The following SF3B1 variants were observed in gnomAD, a reference collection of about 807,000 sequenced individuals.
The protein encoded by SF3B1 is pre-mRNA processing 10.
In SF3B1, 12 loss-of-function variants were observed where a neutral mutation model predicts 153.8. That is an observed-to-expected ratio of 0.08 (90% CI 0.05 to 0.13). SF3B1 has a LOEUF of 0.13. Among genes scored for constraint, SF3B1 ranks in the 10% least tolerant of loss-of-function variants. SF3B1 has a pLI of 1.00. For missense variants in SF3B1, 513 were observed against 1,606.1 expected, an observed-to-expected ratio of 0.32 and a Z score of 11.63; for synonymous variants, 498 against 525.2, an observed-to-expected ratio of 0.95 and a Z score of 0.71.
At chr2:197,413,352 G>C (rs1334683964) in intron 6 of SF3B1, among the ~76,000 whole-genome samples, 1 of 152,168 alleles carries the variant, frequency 6.6e-6, no homozygotes, top group Non-Finnish European at 1.5e-5. Flanking sequence ...AATGAGCTGA[G>C]ATTGCACCAA....
chr2:197,421,847 G>A (rs2085248196), intron 2 of SF3B1, among the ~76,000 whole-genome samples: 1 of 151,968 alleles, frequency 6.6e-6, no homozygotes, highest in African/African-American at 2.4e-5. Context: ...CAGGCGTGGT[G>A]GTGTGCATAC....
chr2:197,422,914 C>CATAAA (rs1321067979), intron 2 of SF3B1, among the ~76,000 whole-genome samples: 1 of 151,640 alleles, frequency 6.6e-6, no homozygotes, highest in Non-Finnish European at 1.5e-5. Context: ...AATCTATATA[C>CATAAA]ATAAAATAAA....
chr2:197,422,232 G>T (rs1200255403), intron 2 of SF3B1, among the ~76,000 whole-genome samples: 1 of 151,786 alleles, frequency 6.6e-6, no homozygotes, highest in Non-Finnish European at 1.5e-5. Context: ...CACCTTTTGG[G>T]ATTTTTAAAT....
chr2:197,403,828 T>C (rs1425539779), intron 11 of SF3B1, 64 bp from the exon 12 acceptor site: 6 of 1,210,268 alleles, frequency 5.0e-6, no homozygotes, highest in African/African-American at 1.6e-5. Context: ...AATGAGCAAA[T>C]TACTCAAAGA....
Position 197,420,584 on chromosome 2 carries a change from A to G in SF3B1, c.301-42T>C, listed in dbSNP as rs765046165. 3.8e-6 allele frequency: 5 copies of G among 1,310,962 alleles called. No homozygotes were observed. In the East Asian group the frequency reaches 9.3e-5, roughly 24 times the overall value. 81.2% of individuals were successfully genotyped at this position (1,310,962 alleles called of 1,614,324 possible). On this transcript the variant is annotated intron_variant, in intron 3 of 24. Coordinates refer to ENST00000335508, the MANE Select transcript of SF3B1 (RefSeq NM_012433.4). ...CTCACTTAATATCCACTTTATTAAA[A>G]TAACAAAACAGAATATCATAAACAA...
Position 197,397,974 on chromosome 2 carries a change from A to G in SF3B1, c.3266+11T>C, listed in dbSNP as rs781635763. On this transcript the variant is annotated intron_variant, in intron 22 of 24. Transcript: ENST00000335508. ...AGTAATTTTTTTTTAATGGAAGTAA[A>G]TAACACTCACCCAATGGCCTTTGCA... 3.8e-6 allele frequency: 6 copies of G among 1,598,886 alleles called. No homozygotes were observed. Among genetic ancestry groups the G allele is most frequent in the East Asian group, 4.5e-5 (2 of 44,756 alleles).
intron 2 of SF3B1, among the ~76,000 whole-genome samples, chr2:197,423,369 C>CAA (rs775495226): frequency 1.5e-4 from 10 of 68,920 alleles, no homozygotes; most frequent in African/African-American, 3.6e-4. Flanking sequence ...GAGACTGTCT[C>CAA]AAAAAAAAAA....
rs961474016 is a variant in SF3B1 at position 197,409,837 on chromosome 2, T to A, written c.837A>T (p.Pro279=). ...CACTGGAAGTTGCGCCTCCATGGCC[T>A]GGTGTCGCATGGCCTGGTGTATCAC... ...GRGDTPGHAT[P]GHGGATSSAR... is the part of the protein sequence containing the mutation. Residue 279 remains proline, a synonymous_variant, in exon 7 of 25, where the codon CCA becomes CCT. Coordinates refer to ENST00000335508, the MANE Select transcript of SF3B1 (RefSeq NM_012433.4). The A allele has an allele frequency of 8.1e-6, 13 of 1,613,994 alleles. No individual in the cohort carries two copies. Among genetic ancestry groups the A allele is most frequent in the Non-Finnish European group, 1.0e-5 (12 of 1,179,992 alleles).
In SF3B1 at chr2:197,400,468, T is replaced by C; in HGVS notation, c.2719-34A>G. ...TAAATTTAAAAAAAAGACATATTCATTTGGTTTATGACTGCACAGTTGAAA... is the reference window on the plus strand; with the variant it reads ...TAAATTTAAAAAAAAGACATATTCACTTGGTTTATGACTGCACAGTTGAAA... On this transcript the variant is annotated intron_variant, in intron 18 of 24. Transcript: ENST00000335508. This position sits in a 1 kb window ranked among gnomAD's most constrained non-coding sequence, Gnocchi z 5.0. 6.4e-7 allele frequency: 1 copy of C among 1,556,006 alleles called. No homozygotes were observed. The highest frequency in any genetic ancestry group is 8.7e-7 in the Non-Finnish European group (1 of 1,145,638).
intron 4 of SF3B1, chr2:197,420,068 A>C (rs1221898648): frequency 7.8e-6 from 2 of 256,962 alleles, no homozygotes; most frequent in East Asian, 5.8e-5. Context: ...CAATCCTAAA[A>C]ATCTAGGATT....
intron 4 of SF3B1, 38 bp from the exon 5 acceptor site, chr2:197,418,626 A>T: frequency 6.3e-7 from 1 of 1,591,480 alleles, no homozygotes; most frequent in Non-Finnish European, 8.6e-7. Flanking sequence ...AGAGTACAAT[A>T]AATAAAAAAT....
chr2:197,425,415 G>A (rs1302548042), intron 1 of SF3B1, among the ~76,000 whole-genome samples: 2 of 152,168 alleles, frequency 1.3e-5, no homozygotes, highest in East Asian at 1.9e-4. Flanking sequence ...GCAGTAAGTC[G>A]AGATCACGCC....
intron 20 of SF3B1, 107 bp from the exon 21 acceptor site, chr2:197,398,688 A>G: frequency 1.9e-6 from 2 of 1,046,270 alleles, no homozygotes; most frequent in Non-Finnish European, 2.8e-6. Context: ...ATAAACTTAC[A>G]GCTGCCTAGG....
chr2:197,402,944 A>C lies in SF3B1; in HGVS notation c.1806+5T>G, dbSNP rs762203731. The C allele has an allele frequency of 3.1e-6, 5 of 1,612,374 alleles. No individual in the cohort carries two copies. The highest frequency in any genetic ancestry group is 3.4e-6 in the Non-Finnish European group (4 of 1,178,642). ...TTTTCTTCTCTAGAAATTAAATGTA[A>C]ATACCTTTGCCAAATTAGAAATGAT... On this transcript the variant is annotated splice_donor_5th_base_variant and intron_variant, in intron 13 of 24. Transcript: ENST00000335508. This position sits in a 1 kb window ranked among gnomAD's most constrained non-coding sequence, Gnocchi z 4.6.
rs1388673568 is a variant in SF3B1 at position 197,405,430 on chromosome 2, C to G, written c.1282G>C (p.Ala428Pro). 6.2e-6 allele frequency: 10 copies of G among 1,613,734 alleles called. No homozygotes were observed. The highest frequency in any genetic ancestry group is 1.3e-5 in the African/African-American group (1 of 74,906). The change falls in exon 10 of 25, where the codon GCT becomes CCT. Residue 428 changes from alanine to proline, a missense_variant. Transcript: ENST00000335508. ...GTTGGAGTAGCTGTCAGCTTTCGAG[C>G]TGGAGTTCGAATAGGAACATAACCA... ...PAGYVPIRTP[A>P]RKLTATPTPL...
rs984771076 is a variant in SF3B1, at chr2:197,400,475, T to C, written c.2719-41A>G. ...AAAAAAAAGACATATTCATTTGGTT[T>C]ATGACTGCACAGTTGAAATACACTA... On this transcript the variant is annotated intron_variant, in intron 18 of 24. Coordinates refer to ENST00000335508, the MANE Select transcript of SF3B1 (RefSeq NM_012433.4). This position sits in a 1 kb window ranked among gnomAD's most constrained non-coding sequence, Gnocchi z 5.0. 6.6e-7 allele frequency: 1 copy of C among 1,522,336 alleles called. No homozygotes were observed. The highest frequency in any genetic ancestry group is 1.4e-5 in the African/African-American group (1 of 71,670). The allele number at this position is 1,522,336 out of a possible 1,614,324, so 94.3% of individuals were successfully genotyped here.
chr2:197,401,250 T>C lies in SF3B1; in HGVS notation c.2496+150A>G. 1.3e-6 allele frequency: 1 copy of C among 754,020 alleles called. No homozygotes were observed. Among genetic ancestry groups the C allele is most frequent in the Admixed American group, 2.8e-5 (1 of 35,754 alleles). 46.7% of individuals were successfully genotyped at this position (754,020 alleles called of 1,614,324 possible). On this transcript the variant is annotated intron_variant, in intron 17 of 24. Transcript: ENST00000335508. The surrounding 1 kb of genome is among the most constrained non-coding windows in gnomAD (Gnocchi z 4.2). ...ATCCAAAATCAAAATGGAAGTTAAC[T>C]GGCTGACTAAAATCCATCTCCTTTC...
At chr2:197,430,594 C>T (rs531803300) in intron 1 of SF3B1, among the ~76,000 whole-genome samples, 1 of 152,304 alleles carries the variant, frequency 6.6e-6, no homozygotes, top group East Asian at 1.9e-4. Flanking sequence ...GGTGGGATTA[C>T]AGGCACGCAC....
At chr2:197,422,279 T>C (rs1224013008) in intron 2 of SF3B1, among the ~76,000 whole-genome samples, 2 of 151,906 alleles carry the variant, frequency 1.3e-5, no homozygotes, top group Non-Finnish European at 2.9e-5. Flanking sequence ...GAGAGCCAAC[T>C]ATAAAATGTG....
Sources: gnomAD v4.1 joint callset for allele counts (sites outside exome capture counted in the v4.1 genomes callset) on GRCh38, gnomAD v4.1.1 for gene constraint, Gnocchi (gnomAD v3.1) non-coding constraint, MANE v1.5 for transcripts, NCBI Gene and HGNC (gene_info 2026-07-23, HGNC 2026-07-21) for gene names.